The following TNR variants were observed in gnomAD, a reference collection of about 807,000 sequenced individuals.
TNR encodes the protein tenascin-R.
A neutral mutation model predicts 150.4 loss-of-function variants in TNR; 45 were observed. That is an observed-to-expected ratio of 0.30 (90% CI 0.24 to 0.38). The LOEUF is 0.38. Among genes scored for constraint, TNR ranks in the 10% least tolerant of loss-of-function variants. The pLI, the probability that TNR is intolerant of heterozygous loss-of-function variation, is 1.00. For missense variants in TNR, 1,544 were observed against 1,759.1 expected (o/e 0.88, Z 2.19); for synonymous variants, 687 against 678.4 (o/e 1.01, Z -0.20).
intron 1 of TNR, among the ~76,000 whole-genome samples, chr1:175,630,751 C>T (rs1175921801): frequency 4.6e-5 from 7 of 152,118 alleles, no homozygotes; most frequent in Admixed American, 4.6e-4. Context: ...ACTGTCAGGG[C>T]TATTTCACAC....
intron 1 of TNR, among the ~76,000 whole-genome samples, chr1:175,698,500 T>C (rs1411705495): frequency 2.0e-5 from 3 of 151,598 alleles, no homozygotes; most frequent in East Asian, 3.9e-4. Flanking sequence ...TCAAGGAGGA[T>C]TGATGGGTGA....
chr1:175,386,049 G>A lies in TNR; in HGVS notation c.1760C>T (p.Thr587Ile). Residue 587 changes from threonine (T) to isoleucine (I), a missense_variant, in exon 8 of 23, where the codon ACC (threonine) becomes ATC (isoleucine). Physicochemically the swap from Thr to Ile is moderately conservative, Grantham distance 89. This residue lies in a region of TNR where 1,254 missense variants were observed against 1,329.4 expected (regional missense o/e 0.94). Transcript: ENST00000367674. ...VRGTNESDSA[T>I]TQFTTEIDAP... ...AGCCTTACCTGTTGTGAACTGAGTG[G>A]TGGCAGAATCGCTCTCGTTGGTCCC... 1 of 1,597,466 alleles carries A rather than the reference G, an allele frequency of 6.3e-7. No homozygotes were observed. The highest frequency in any genetic ancestry group is 8.5e-7 in the Non-Finnish European group (1 of 1,169,780).
intron 2 of TNR, among the ~76,000 whole-genome samples, chr1:175,416,279 C>T (rs1485495163): frequency 6.6e-6 from 1 of 152,060 alleles, no homozygotes; most frequent in Non-Finnish European, 1.5e-5. Context: ...GAATGATTTG[C>T]CCAAGACACA....
intron 1 of TNR, among the ~76,000 whole-genome samples, chr1:175,612,478 A>C (rs116467525): frequency 0.016 from 2,368 of 152,288 alleles, 61 homozygotes; most frequent in African/African-American, 0.054. Flanking sequence ...CTGCAGGGAC[A>C]GGCATCAGTC....
chr1:175,706,658 T>C (rs1666849937), intron 1 of TNR, among the ~76,000 whole-genome samples: 1 of 152,108 alleles, frequency 6.6e-6, no homozygotes, highest in East Asian at 1.9e-4. Flanking sequence ...CTATTGCAGA[T>C]TTCTTCCTTA....
chr1:175,422,002 A>C (rs1193129677), intron 2 of TNR, among the ~76,000 whole-genome samples: 1 of 152,226 alleles, frequency 6.6e-6, no homozygotes, highest in Non-Finnish European at 1.5e-5. Flanking sequence ...GTCATATCAC[A>C]TCATTACTAT....
chr1:175,421,174 G>T (rs1475920406), intron 2 of TNR, among the ~76,000 whole-genome samples: 1 of 152,132 alleles, frequency 6.6e-6, no homozygotes, highest in Non-Finnish European at 1.5e-5. Flanking sequence ...TGAAGTCAAA[G>T]CCAGTCATTG....
At chr1:175,410,668 T>A (rs1185426666) in intron 2 of TNR, among the ~76,000 whole-genome samples, 1 of 152,156 alleles carries the variant, frequency 6.6e-6, no homozygotes, top group East Asian at 1.9e-4. Context: ...GAGGAAGTGG[T>A]GTGTGTCTTT....
intron 2 of TNR, among the ~76,000 whole-genome samples, chr1:175,453,229 A>G (rs1209903918): frequency 6.6e-6 from 1 of 152,216 alleles, no homozygotes; most frequent in Non-Finnish European, 1.5e-5. Flanking sequence ...GAAAAGTTGC[A>G]AGAATAGGGC....
At chr1:175,643,648 C>T (rs1021484279) in intron 1 of TNR, among the ~76,000 whole-genome samples, 3 of 152,108 alleles carry the variant, frequency 2.0e-5, no homozygotes, top group Admixed American at 6.5e-5. Flanking sequence ...TCTGCAGAGC[C>T]TAGAGAACTT....
At chr1:175,625,841 C>T (rs1402372131) in intron 1 of TNR, among the ~76,000 whole-genome samples, 1 of 152,186 alleles carries the variant, frequency 6.6e-6, no homozygotes, top group East Asian at 1.9e-4. Flanking sequence ...CACATCTCCC[C>T]ACAGGCTGAA....
intron 1 of TNR, among the ~76,000 whole-genome samples, chr1:175,565,440 C>T (rs541744463): frequency 9.2e-5 from 14 of 152,230 alleles, no homozygotes; most frequent in African/African-American, 2.2e-4. Flanking sequence ...GATCAGGAGC[C>T]GAGGGTAAAA....
chr1:175,662,008 A>C (rs1008872249), intron 1 of TNR, among the ~76,000 whole-genome samples: 2 of 151,780 alleles, frequency 1.3e-5, no homozygotes, highest in Non-Finnish European at 2.9e-5. Context: ...ACACTATCCA[A>C]CCTCAAAGGC....
chr1:175,602,561 G>A (rs952998909), intron 1 of TNR, among the ~76,000 whole-genome samples: 2 of 152,208 alleles, frequency 1.3e-5, no homozygotes, highest in Admixed American at 6.5e-5. Context: ...AGGGTGTCTT[G>A]AATTTACGGA....
chr1:175,661,954 A>G (rs1161799820), intron 1 of TNR, among the ~76,000 whole-genome samples: 1 of 151,924 alleles, frequency 6.6e-6, no homozygotes, highest in African/African-American at 2.4e-5. Context: ...TACTCTTTTG[A>G]TGGACCTAGA....
At chr1:175,420,681 A>G (rs761983378) in intron 2 of TNR, among the ~76,000 whole-genome samples, 34 of 152,234 alleles carry the variant, frequency 2.2e-4, no homozygotes, top group Non-Finnish European at 4.4e-4. Context: ...AGGTGCTTTC[A>G]TAATCACGAC....
At chr1:175,525,076 T>C (rs1659798341) in intron 2 of TNR, among the ~76,000 whole-genome samples, 1 of 152,208 alleles carries the variant, frequency 6.6e-6, no homozygotes, top group African/African-American at 2.4e-5. Context: ...TTGAATCATG[T>C]GGGCGGTTAC....
At chr1:175,647,158 A>G (rs1294069056) in intron 1 of TNR, among the ~76,000 whole-genome samples, 5 of 152,378 alleles carry the variant, frequency 3.3e-5, no homozygotes, top group South Asian at 2.1e-4. Context: ...AGAAAAATCA[A>G]TTGTTTAAAA....
intron 18 of TNR, among the ~76,000 whole-genome samples, chr1:175,342,352 C>G (rs1557875057): frequency 6.6e-6 from 1 of 152,154 alleles, no homozygotes; most frequent in Non-Finnish European, 1.5e-5. Flanking sequence ...ATGCTGGCCA[C>G]AAATTGGTGG....
Sources: allele counts gnomAD v4.1 joint callset (sites outside exome capture counted in the v4.1 genomes callset), GRCh38; gene constraint gnomAD v4.1.1; regional missense constraint gnomAD v4.1.1; transcripts MANE v1.5; gene names NCBI Gene and HGNC (gene_info 2026-07-23, HGNC 2026-07-21).